The following ALDH1A1 variants were observed in gnomAD, a reference collection of about 807,000 sequenced individuals.
ALDH1A1 encodes the protein aldehyde dehydrogenase 1 family member A1.
A neutral mutation model predicts 62.1 loss-of-function variants in ALDH1A1; 19 were observed. The observed-to-expected ratio is 0.31, with a 90% CI of 0.21 to 0.45. The LOEUF (loss-of-function observed/expected upper bound fraction) is 0.45. ALDH1A1 is among the 20% of genes least tolerant of loss of function. The pLI is 1.00. For synonymous variants in ALDH1A1, 231 were observed against 215.9 expected, an observed-to-expected ratio of 1.07 and a Z score of -0.61; for missense variants, 521 against 607.1, an observed-to-expected ratio of 0.86 and a Z score of 1.49.
intron 2 of ALDH1A1, among the ~76,000 whole-genome samples, chr9:72,938,215 A>G (rs180775224): frequency 6.6e-6 from 1 of 152,290 alleles, no homozygotes; most frequent in East Asian, 1.9e-4. Context: ...TGCTGACTTT[A>G]ATTTCCCAGT....
At position 72,906,031 on chromosome 9, in the gene ALDH1A1, C is replaced by A. The variant is rs758998877; in HGVS notation, c.1360G>T (p.Val454Leu). 9 of 1,609,442 alleles carry A rather than the reference C, an allele frequency of 5.6e-6. No individual in the cohort carries two copies. Among genetic ancestry groups the A allele is most frequent in the African/African-American group, 1.3e-5 (1 of 74,676 alleles). The change falls in exon 12 of 13, where the codon GTG becomes TTG. Residue 454 changes from valine (V) to leucine (L), a missense_variant and splice_region_variant. Physicochemically the swap from Val to Leu is conservative, Grantham distance 32. Transcript: ENST00000297785. Reference sequence around the variant, plus strand: ...GCACTTACCACGCCATAGCAATTCACCCTGAAGGAAAAGAAAAGTGCATTA... The same window carrying A: ...GCACTTACCACGCCATAGCAATTCAACCTGAAGGAAAAGAAAAGTGCATTA... The part of the protein sequence containing the change: ...SSALQAGTVW[V>L]NCYGVVSAQC...
Position 72,945,065 on chromosome 9 carries a change from T to G in ALDH1A1, c.67-4813A>C, listed in dbSNP as rs1015728881. 4.6e-5 allele frequency among the ~76,000 whole-genome samples: 7 copies of G among 152,128 alleles called. No homozygotes were observed. The East Asian group carries it at 1.3e-3, about 29-fold the overall frequency. On this transcript the variant is annotated intron_variant, in intron 1 of 12. Transcript: ENST00000297785. ...CTGGATTCAACTGGTGTCCAAGAAT[T>G]AGTCATAATTGTGAAAAAAATTGCC... is the stretch of plus-strand genomic sequence containing the variant.
At chr9:72,952,693 C>G (rs1414027966) in intron 1 of ALDH1A1, among the ~76,000 whole-genome samples, 1 of 151,890 alleles carries the variant, frequency 6.6e-6, no homozygotes, top group Non-Finnish European at 1.5e-5. Flanking sequence ...AATCCTTTCA[C>G]ACAGAAGAGA....
chr9:72,921,285 T>C (rs1830139826), intron 7 of ALDH1A1, among the ~76,000 whole-genome samples: 1 of 151,742 alleles, frequency 6.6e-6, no homozygotes, highest in Non-Finnish European at 1.5e-5. Context: ...TAAAGTGTTG[T>C]TAGAATGGAG....
At chr9:72,949,847 A>AG in intron 1 of ALDH1A1, among the ~76,000 whole-genome samples, 1 of 150,846 alleles carries the variant, frequency 6.6e-6, no homozygotes, top group East Asian at 1.9e-4. Context: ...TATAAAAAAA[A>AG]AAAAAGAAAA....
intron 9 of ALDH1A1, among the ~76,000 whole-genome samples, chr9:72,914,532 C>G (rs1229776454): frequency 6.6e-6 from 1 of 152,130 alleles, no homozygotes; most frequent in Non-Finnish European, 1.5e-5. Flanking sequence ...CAAAGTCCAT[C>G]TTTCCACACT....
intron 9 of ALDH1A1, 60 bp downstream of exon 9, chr9:72,916,860 C>T: frequency 2.2e-6 from 3 of 1,393,470 alleles, no homozygotes; most frequent in Non-Finnish European, 2.9e-6. Context: ...AAATCTAGGT[C>T]TAAAGAGGAT....
intron 3 of ALDH1A1, among the ~76,000 whole-genome samples, chr9:72,930,588 T>A (rs887358547): frequency 7.9e-5 from 12 of 152,298 alleles, no homozygotes; most frequent in African/African-American, 2.9e-4. Context: ...TTGAAACCTC[T>A]GAGAAGTTTT....
intron 7 of ALDH1A1, among the ~76,000 whole-genome samples, chr9:72,922,146 G>T (rs1209547907): frequency 2.0e-5 from 3 of 152,022 alleles, no homozygotes; most frequent in Non-Finnish European, 4.4e-5. Flanking sequence ...AGGAAATATG[G>T]CATGTACTGA....
In ALDH1A1 at chr9:72,912,657, C is replaced by A. The variant is rs1364191997; in HGVS notation, c.1036-535G>T. Among the ~76,000 whole-genome samples the A allele has an allele frequency of 3.3e-5, 5 of 152,130 alleles. No individual in the cohort carries two copies. The East Asian group carries it at 9.6e-4, about 29-fold the overall frequency. ...ATGCCCTTGGATATCCCATTCTGACCATAGTCTGCGCACCCTTCCCAGTTC... is the reference window on the plus strand; with the variant it reads ...ATGCCCTTGGATATCCCATTCTGACAATAGTCTGCGCACCCTTCCCAGTTC... On this transcript the variant is annotated intron_variant, in intron 9 of 12. Transcript: ENST00000297785.
At chr9:72,941,555 G>T (rs1830414313) in intron 1 of ALDH1A1, among the ~76,000 whole-genome samples, 2 of 152,126 alleles carry the variant, frequency 1.3e-5, no homozygotes, top group South Asian at 4.2e-4. Flanking sequence ...TTCCATCAAG[G>T]GCTGTGTATG....
intron 1 of ALDH1A1, among the ~76,000 whole-genome samples, chr9:72,952,289 T>G (rs1431317110): frequency 6.6e-6 from 1 of 151,932 alleles, no homozygotes; most frequent in Non-Finnish European, 1.5e-5. Context: ...AGCTGCGGAT[T>G]TTAAAGTCTG....
intron 7 of ALDH1A1, among the ~76,000 whole-genome samples, chr9:72,923,057 C>T (rs1481795255): frequency 6.6e-6 from 1 of 152,172 alleles, no homozygotes; most frequent in African/African-American, 2.4e-5. Flanking sequence ...ATGCTCACCA[C>T]ACTATCTGGA....
At chr9:72,916,872 C>T in intron 9 of ALDH1A1, 48 bp downstream of exon 9, 3 of 1,471,668 alleles carry the variant, frequency 2.0e-6, no homozygotes, top group Non-Finnish European at 2.7e-6. Flanking sequence ...AAAGAGGATA[C>T]TTTATTCCTG....
At chr9:72,934,258 C>A (rs1275187844) in intron 2 of ALDH1A1, among the ~76,000 whole-genome samples, 1 of 152,122 alleles carries the variant, frequency 6.6e-6, no homozygotes, top group Non-Finnish European at 1.5e-5. Context: ...GTATTTTAAT[C>A]CTTCCTTTCA....
rs1460544029 is a variant in ALDH1A1 at position 72,929,002 on chromosome 9, C to T, written c.332G>A (p.Gly111Asp). Residue 111 changes from glycine (G) to aspartate (D), a missense_variant, in exon 4 of 13, where the codon GGT (glycine) becomes GAT (aspartate). Coordinates refer to ENST00000297785, the MANE Select transcript of ALDH1A1 (RefSeq NM_000689.5). ...LLLATMESMNGGKLYSNAYLN... is the reference protein window; with the variant it reads ...LLLATMESMNDGKLYSNAYLN... ...ATATGCATTGGAATAGAGTTTTCCA[C>T]CATTCATTGACTCCATTGTCTGAAA... 6.2e-7 allele frequency: 1 copy of T among 1,613,558 alleles called. No individual in the cohort carries two copies. The highest frequency in any genetic ancestry group is 8.5e-7 in the Non-Finnish European group (1 of 1,179,780).
At chr9:72,950,019 C>A (rs1233378236) in intron 1 of ALDH1A1, among the ~76,000 whole-genome samples, 1 of 151,476 alleles carries the variant, frequency 6.6e-6, no homozygotes, top group Non-Finnish European at 1.5e-5. Flanking sequence ...AAAAGAGTGA[C>A]AGAAAAGCTA....
chr9:72,943,846 G>A (rs1830443956), intron 1 of ALDH1A1, among the ~76,000 whole-genome samples: 1 of 151,962 alleles, frequency 6.6e-6, no homozygotes, highest in South Asian at 2.1e-4. Context: ...TAAAGACTGT[G>A]GAGCAAAATG....
Position 72,952,968 on chromosome 9 carries a change from G to T in ALDH1A1, c.33C>A (p.Val11=). The T allele has an allele frequency of 6.2e-7, 1 of 1,613,202 alleles. No individual in the cohort carries two copies. Among genetic ancestry groups the T allele is most frequent in the Non-Finnish European group, 8.5e-7 (1 of 1,179,332 alleles). MSSSGTPDLP[V]LLTDLKIQYT... ...ATTGAATCTTCAAATCGGTGAGTAG[G>T]ACAGGTAAGTCTGGCGTGCCTGAGG... The change falls in exon 1 of 13, where the codon GTC becomes GTA. Residue 11 remains valine (V), a synonymous_variant. Coordinates refer to ENST00000297785, the MANE Select transcript of ALDH1A1 (RefSeq NM_000689.5).
Sources: gnomAD v4.1 joint callset for allele counts (sites outside exome capture counted in the v4.1 genomes callset) on GRCh38, gnomAD v4.1.1 for gene constraint, MANE v1.5 for transcripts, NCBI Gene and HGNC (gene_info 2026-07-23, HGNC 2026-07-21) for gene names.